The following CEP72 variants were observed in gnomAD, a reference collection of about 807,000 sequenced individuals.
CEP72 encodes the protein centrosomal protein 72, also known as centrosomal protein of 72 kDa.
In CEP72, 78 loss-of-function variants were observed where a neutral mutation model predicts 65.7. That is an observed-to-expected ratio of 1.19 (90% confidence interval 0.99 to 1.43). The LOEUF is 1.43. Ranked by LOEUF, CEP72 falls within the 40% of genes most tolerant of loss-of-function variation. The pLI is 0.00. For synonymous variants in CEP72, 358 were observed against 351.7 expected (o/e 1.02, Z -0.20); for missense variants, 914 against 832.9 (o/e 1.10, Z -1.20).
At chr5:659,959 T>G (rs1739511574), downstream of CEP72, 1 of 152,350 alleles carries the variant, frequency 6.6e-6, no homozygotes, top group African/African-American at 2.4e-5. Flanking sequence ...CACGAGCTGT[T>G]TCACTACAGG....
At chr5:646,911 G>T (rs1240378811) in intron 10 of CEP72, among the ~76,000 whole-genome samples, 2 of 152,208 alleles carry the variant, frequency 1.3e-5, no homozygotes, top group Non-Finnish European at 2.9e-5. Flanking sequence ...AGGCTTCCTT[G>T]TCTCTGGGAT....
intron 4 of CEP72, among the ~76,000 whole-genome samples, chr5:628,416 A>ACGGTTCCTGGGGAGTGTTCC (rs1736899549): frequency 1.5e-5 from 2 of 134,066 alleles, no homozygotes; most frequent in Admixed American, 1.4e-4. Context: ...AACTCAGGTC[A>ACGGTTCCTGGGGAGTGTTCC]CAGGCCCCGG....
rs148082697 is a variant in CEP72 at position 614,567 on chromosome 5, G to A, written c.82+2124G>A. ...GGGTTCATGCCATTCTCCTGCCTCA[G>A]CCTCCCGAGTAGCTGGAACTCCTGA... is the stretch of plus-strand genomic sequence containing the variant. On this transcript the variant is annotated intron_variant, in intron 1 of 11. Transcript: ENST00000264935. 5.4e-3 allele frequency among the ~76,000 whole-genome samples: 807 copies of A among 150,456 alleles called. 3 individuals carry two copies. Among genetic ancestry groups the A allele is most frequent in the Non-Finnish European group, 8.9e-3 (605 of 67,876 alleles).
chr5:668,988 C>T (rs1209722264), downstream of CEP72, among the ~76,000 whole-genome samples: 5 of 152,350 alleles, frequency 3.3e-5, no homozygotes, highest in East Asian at 9.7e-4. Context: ...TTCCCATACA[C>T]TTTACACGCG....
At chr5:655,281 C>T (rs1195255678), downstream of CEP72, among the ~76,000 whole-genome samples, 5 of 152,184 alleles carry the variant, frequency 3.3e-5, no homozygotes, top group East Asian at 9.6e-4. The surrounding 1 kb of genome is among the most constrained non-coding windows in gnomAD (Gnocchi z 5.0). Context: ...ATCGTTTGAA[C>T]CTGGGAGGCG....
At chr5:638,997 G>A (rs939942534) in intron 7 of CEP72, 92 bp from the exon 8 acceptor site, 3 of 1,529,762 alleles carry the variant, frequency 2.0e-6, no homozygotes, top group Non-Finnish European at 2.7e-6. Flanking sequence ...CCTTCGTGGT[G>A]CGAGGGCATC....
chr5:621,730 T>C (rs1384193909), intron 3 of CEP72, among the ~76,000 whole-genome samples: 1 of 152,256 alleles, frequency 6.6e-6, no homozygotes, highest in Non-Finnish European at 1.5e-5. Context: ...CTGCGGTATC[T>C]TGATGGTGAT....
downstream of CEP72, among the ~76,000 whole-genome samples, chr5:659,514 AT>A (rs1010941568): frequency 1.3e-5 from 2 of 152,062 alleles, no homozygotes; most frequent in African/African-American, 2.4e-5. Context: ...TCAGGTTGGC[AT>A]TTTTTTTATA....
intron 7 of CEP72, 37 bp downstream of exon 7, chr5:637,855 C>T (rs781053892): frequency 6.8e-7 from 1 of 1,478,198 alleles, no homozygotes; most frequent in South Asian, 1.4e-5. Flanking sequence ...GCCCACGGCA[C>T]TGCCTCCCTA....
chr5:644,166 T>C, intron 9 of CEP72, 133 bp from the exon 10 acceptor site: 1 of 975,754 alleles, frequency 1.0e-6, no homozygotes, highest in Non-Finnish European at 1.6e-6. Context: ...GAAACTGAAT[T>C]ACTGCCTTTC....
rs947308342 is a variant in CEP72 at position 623,641 on chromosome 5, C to T, written c.404-830C>T. On this transcript the variant is annotated intron_variant, in intron 3 of 11. Transcript: ENST00000264935. The surrounding 1 kb of genome is among the most constrained non-coding windows in gnomAD (Gnocchi z 5.3). ...TCGTTAGTGCGGGGCTGGTGAAGGC[C>T]GGGGTGGAAAGGTTGCGGGAGGGTG... 1.4e-5 allele frequency among the ~76,000 whole-genome samples: 2 copies of T among 143,430 alleles called. No individual in the cohort carries two copies. Among genetic ancestry groups the T allele is most frequent in the African/African-American group, 2.5e-5 (1 of 39,364 alleles). The allele number at this position is 143,430 out of a possible 152,430, so 94.1% of individuals were successfully genotyped here.
chr5:663,070 C>T (rs9313157), intron 1 of CEP72: 17,648 of 108,772 alleles, frequency 0.16, 1,996 homozygotes, highest in South Asian at 0.24. Flanking sequence ...CGGGTGATTC[C>T]GATGACTGCT....
rs1221226923 is a variant in CEP72, at chr5:623,955, A to G, written c.404-516A>G. ...GATGTGTTGTAAGTTCCAAAGCGCCAAGGTTGAAGGCCTGGGGACCTTCTT... is the reference window on the plus strand; with the variant it reads ...GATGTGTTGTAAGTTCCAAAGCGCCGAGGTTGAAGGCCTGGGGACCTTCTT... On this transcript the variant is annotated intron_variant, in intron 3 of 11. Transcript: ENST00000264935. The surrounding 1 kb of genome is among the most constrained non-coding windows in gnomAD (Gnocchi z 5.3). Among the ~76,000 whole-genome samples, 1 of 152,132 alleles carries G rather than the reference A, an allele frequency of 6.6e-6. No individual in the cohort carries two copies. Among genetic ancestry groups the G allele is most frequent in the Non-Finnish European group, 1.5e-5 (1 of 68,030 alleles).
chr5:634,593 C>G (rs1455301670), intron 5 of CEP72, among the ~76,000 whole-genome samples: 1 of 152,198 alleles, frequency 6.6e-6, no homozygotes, highest in African/African-American at 2.4e-5. Context: ...ATCCTAGCTG[C>G]TCTGTCAGGG....
intron 9 of CEP72, chr5:642,986 G>A (rs965724020): frequency 1.0e-6 from 1 of 985,374 alleles, no homozygotes; most frequent in African/African-American, 1.7e-5. Flanking sequence ...GGCCTCTGAG[G>A]CAGATGGGCT....
chr5:671,179 C>T (rs72707027), downstream of CEP72, among the ~76,000 whole-genome samples: 1 of 151,310 alleles, frequency 6.6e-6, no homozygotes, highest in African/African-American at 2.4e-5. Context: ...CTGTCTCCCT[C>T]TGGGCGCACA....
intron 1 of CEP72, among the ~76,000 whole-genome samples, chr5:613,190 C>A (rs965702176): frequency 6.6e-6 from 1 of 152,140 alleles, no homozygotes; most frequent in Non-Finnish European, 1.5e-5. Context: ...CTGTTGTTAG[C>A]CTGTTAATGT....
At chr5:612,645 G>A (rs1020956079) in intron 1 of CEP72, 12 of 984,204 alleles carry the variant, frequency 1.2e-5, no homozygotes, top group Non-Finnish European at 1.4e-5. Flanking sequence ...CCCTGCCCGC[G>A]TTCGGGTCCC....
intron 9 of CEP72, chr5:642,949 C>T: frequency 2.0e-6 from 2 of 985,448 alleles, no homozygotes; most frequent in Non-Finnish European, 1.2e-6. Flanking sequence ...GCAAGGTGGC[C>T]CCACTTCCAG....
Sources: allele counts gnomAD v4.1 joint callset (sites outside exome capture counted in the v4.1 genomes callset), GRCh38; gene constraint gnomAD v4.1.1; non-coding constraint Gnocchi (gnomAD v3.1); transcripts MANE v1.5; gene names NCBI Gene and HGNC (gene_info 2026-07-23, HGNC 2026-07-21).